Variants in APBB1IP observed in about 807,000 individuals in gnomAD.
The protein encoded by APBB1IP is amyloid beta precursor protein binding family B member 1 interacting protein, also known as amyloid beta A4 precursor protein-binding family B member 1-interacting protein.
Under a neutral mutation model 64.9 loss-of-function variants are expected in APBB1IP, and 27 were observed. The observed-to-expected ratio is 0.42, with a 90% CI of 0.31 to 0.57. APBB1IP has a LOEUF of 0.57. Ranked by LOEUF, APBB1IP falls within the 20% of genes least tolerant of loss-of-function variation. The pLI is 0.20. For missense variants in APBB1IP, 812 were observed against 845.5 expected, an observed-to-expected ratio of 0.96 and a Z score of 0.49; for synonymous variants, 392 against 331.0, an observed-to-expected ratio of 1.18 and a Z score of -2.00.
chr10:26,560,635 G>A (rs1215473936), intron 12 of APBB1IP, 95 bp from the exon 13 acceptor site: 2 of 784,290 alleles, frequency 2.6e-6, no homozygotes, highest in African/African-American at 1.7e-5. Context: ...AGTAGCCGTG[G>A]AGTATTTATT....
chr10:26,541,785 G>A (rs1836700294), intron 11 of APBB1IP, 93 bp downstream of exon 11: 1 of 870,134 alleles, frequency 1.1e-6, no homozygotes, highest in African/African-American at 1.8e-5. Flanking sequence ...TTAGCCATAT[G>A]TGTAACAATA....
chr10:26,508,223 G>A (rs1182987212), intron 6 of APBB1IP, among the ~76,000 whole-genome samples: 1 of 152,126 alleles, frequency 6.6e-6, no homozygotes. Flanking sequence ...TTGCCCTCAA[G>A]TATTCTGTGG....
intron 2 of APBB1IP, among the ~76,000 whole-genome samples, chr10:26,445,661 C>T (rs1218337299): frequency 6.6e-6 from 1 of 152,200 alleles, no homozygotes; most frequent in Non-Finnish European, 1.5e-5. Context: ...ACCTTTCCCA[C>T]AAAGAAGTTT....
intron 11 of APBB1IP, among the ~76,000 whole-genome samples, chr10:26,549,000 C>T (rs11015169): frequency 0.028 from 4,324 of 152,224 alleles, 193 homozygotes; most frequent in African/African-American, 0.098. Flanking sequence ...AACTTTATTA[C>T]GTTGAAGTAT....
intron 2 of APBB1IP, among the ~76,000 whole-genome samples, chr10:26,444,514 A>C (rs1835370839): frequency 6.6e-6 from 1 of 152,154 alleles, no homozygotes; most frequent in South Asian, 2.1e-4. Context: ...GACAGAAGGA[A>C]TGTGGGGTGT....
At chr10:26,507,840 T>C (rs1836202682) in intron 6 of APBB1IP, among the ~76,000 whole-genome samples, 1 of 152,238 alleles carries the variant, frequency 6.6e-6, no homozygotes, top group Non-Finnish European at 1.5e-5. Flanking sequence ...ATTCCATTCA[T>C]TCGCTTCAGC....
chr10:26,519,237 G>A (rs1033051840), intron 8 of APBB1IP, among the ~76,000 whole-genome samples: 1 of 152,170 alleles, frequency 6.6e-6, no homozygotes, highest in African/African-American at 2.4e-5. Flanking sequence ...GTTGTAGTGA[G>A]CCAAGATCGT....
chr10:26,461,639 A>G (rs1384946768), intron 2 of APBB1IP, among the ~76,000 whole-genome samples: 1 of 152,034 alleles, frequency 6.6e-6, no homozygotes, highest in Non-Finnish European at 1.5e-5. Context: ...TGAAGTTGCA[A>G]AAAGTTTCAT....
intron 8 of APBB1IP, 134 bp from the exon 9 acceptor site, chr10:26,533,305 C>A: frequency 2.1e-6 from 1 of 471,614 alleles, no homozygotes; most frequent in Non-Finnish European, 3.7e-6. Context: ...TGATGGTTGA[C>A]TGATATCATA....
intron 2 of APBB1IP, among the ~76,000 whole-genome samples, chr10:26,450,091 C>T (rs1008869178): frequency 8.6e-5 from 13 of 152,046 alleles, no homozygotes; most frequent in African/African-American, 2.9e-4. Flanking sequence ...TTTACAGCAT[C>T]TCAGAGAAGG....
intron 2 of APBB1IP, among the ~76,000 whole-genome samples, chr10:26,481,193 T>C (rs2132422341): frequency 6.6e-6 from 1 of 152,134 alleles, no homozygotes; most frequent in East Asian, 1.9e-4. Flanking sequence ...CAGATGGAAG[T>C]GGGGATGTTG....
intron 2 of APBB1IP, among the ~76,000 whole-genome samples, chr10:26,463,969 A>G (rs1005683220): frequency 3.2e-4 from 48 of 152,018 alleles, no homozygotes; most frequent in Non-Finnish European, 6.8e-4. Context: ...TTCAACTCCC[A>G]CTTATGAGTG....
intron 2 of APBB1IP, among the ~76,000 whole-genome samples, chr10:26,453,020 T>G (rs183736952): frequency 7.2e-5 from 11 of 152,374 alleles, no homozygotes; most frequent in Admixed American, 7.2e-4. Flanking sequence ...AGCTAGCATA[T>G]ATTTCATTTT....
intron 11 of APBB1IP, among the ~76,000 whole-genome samples, chr10:26,554,228 C>T (rs928878311): frequency 6.6e-6 from 1 of 152,212 alleles, no homozygotes; most frequent in Non-Finnish European, 1.5e-5. Flanking sequence ...GCTGCTGTAA[C>T]AAACTGCTGG....
chr10:26,562,184 AT>A, intron 13 of APBB1IP, 141 bp from the exon 14 acceptor site: 1 of 653,896 alleles, frequency 1.5e-6, no homozygotes, highest in Admixed American at 2.4e-5. Context: ...CTTTGTTTTT[AT>A]TTTTGTTTTT....
chr10:26,455,514 CAA>C (rs11424674), intron 2 of APBB1IP, among the ~76,000 whole-genome samples: 1 of 141,424 alleles, frequency 7.1e-6, no homozygotes. Context: ...GGTGACAGAA[CAA>C]AAAAAAAAAA....
chr10:26,503,348 A>G, intron 6 of APBB1IP, 74 bp downstream of exon 6: 1 of 1,522,216 alleles, frequency 6.6e-7, no homozygotes, highest in Non-Finnish European at 9.0e-7. Context: ...ATAAAAAACA[A>G]AATAAAGCCG....
rs1836646437 is a variant in APBB1IP, at chr10:26,537,807, AC to A, written c.1044+1591del. On this transcript the variant is annotated intron_variant, in intron 10 of 14. Coordinates refer to ENST00000376236, the MANE Select transcript of APBB1IP (RefSeq NM_019043.4). Reference sequence around the variant, plus strand: ...AAATTAGCTGGGTGTGGTGGTGCACACTTGTAATCCCAGTAGCTGGGGAGGG... The same window carrying A: ...AAATTAGCTGGGTGTGGTGGTGCACATTGTAATCCCAGTAGCTGGGGAGGG... Among the ~76,000 whole-genome samples, 4 of 151,970 alleles carry A rather than the reference AC, an allele frequency of 2.6e-5. No homozygotes were observed. In the South Asian group the frequency reaches 8.3e-4, roughly 32 times the overall value.
chr10:26,487,051 G>A (rs1165302055), intron 2 of APBB1IP, among the ~76,000 whole-genome samples: 1 of 152,114 alleles, frequency 6.6e-6, no homozygotes, highest in Non-Finnish European at 1.5e-5. Context: ...GAACTCAGAA[G>A]TGACATACTC....
Sources: allele counts gnomAD v4.1 joint callset (sites outside exome capture counted in the v4.1 genomes callset), GRCh38; gene constraint gnomAD v4.1.1; transcripts MANE v1.5; gene names NCBI Gene and HGNC (gene_info 2026-07-23, HGNC 2026-07-21).